Variants in ANGPT1 observed in about 807,000 individuals in gnomAD.
ANGPT1 encodes the protein angiopoietin 1, also known as angiopoietin-1.
In ANGPT1, 17 loss-of-function variants were observed where a neutral mutation model predicts 62.2. The observed-to-expected ratio is 0.27, with a 90% CI of 0.19 to 0.41. The LOEUF is 0.41. Among genes scored for constraint, ANGPT1 ranks in the 10% least tolerant of loss-of-function variants. The probability of loss-of-function intolerance (pLI) is 1.00; values close to 1 mark genes in which losing one functional copy is unlikely to be tolerated. For synonymous variants in ANGPT1, 199 were observed against 198.9 expected, an observed-to-expected ratio of 1.00 and a Z score of 0.00; for missense variants, 478 against 594.9, an observed-to-expected ratio of 0.80 and a Z score of 2.04.
At chr8:107,481,532 CAAAAAAAAAA>C (rs71562147) in intron 1 of ANGPT1, among the ~76,000 whole-genome samples, 13,888 of 65,118 alleles carry the variant, frequency 0.21, 1,219 homozygotes, top group East Asian at 0.58. Flanking sequence ...GACTCTGTCT[CAAAAAAAAAA>C]AAAAAAAAAA....
Position 107,342,084 on chromosome 8 carries a change from A to T in ANGPT1, c.453+4858T>A, listed in dbSNP as rs76835843. Among the ~76,000 whole-genome samples the T allele has an allele frequency of 2.6e-5, 4 of 152,226 alleles. No homozygotes were observed. In the East Asian group the frequency reaches 7.7e-4, roughly 29 times the overall value. The stretch of plus-strand genomic sequence containing the variant: ...GAAAAGAAAAACAAACAAACAAAAA[A>T]ACCCAAAAAAACATTCACTCAGTGT... On this transcript the variant is annotated intron_variant, in intron 2 of 8. Coordinates refer to ENST00000517746, the MANE Select transcript of ANGPT1 (RefSeq NM_001146.5).
intron 1 of ANGPT1, among the ~76,000 whole-genome samples, chr8:107,469,134 T>G (rs1812280557): frequency 1.3e-5 from 2 of 152,070 alleles, no homozygotes; most frequent in South Asian, 2.1e-4. Flanking sequence ...GTGTCATAGG[T>G]GCTAGTGGCA....
intron 1 of ANGPT1, among the ~76,000 whole-genome samples, chr8:107,389,184 G>T (rs1461461019): frequency 6.6e-6 from 1 of 152,160 alleles, no homozygotes; most frequent in Non-Finnish European, 1.5e-5. Context: ...TCATGACTTT[G>T]CTACTACCTA....
intron 1 of ANGPT1, among the ~76,000 whole-genome samples, chr8:107,349,045 G>A (rs2130166431): frequency 6.6e-6 from 1 of 152,092 alleles, no homozygotes; most frequent in East Asian, 1.9e-4. Context: ...CAATACAGTT[G>A]ATGCCCGATT....
Position 107,322,108 on chromosome 8 carries a change from A to G in ANGPT1, c.596T>C (p.Leu199Ser). 1 of 1,612,844 alleles carries G rather than the reference A, an allele frequency of 6.2e-7. No homozygotes were observed. The highest frequency in any genetic ancestry group is 1.7e-5 in the Admixed American group (1 of 59,904). ...TTCCTTGTGTTTTCCTTCCATTTCT[A>G]AGATTTTATGTTCTAATAAACTACA... ...EKNSLLEHKI[L>S]EMEGKHKEEL... The change falls in exon 4 of 9, where the codon TTA becomes TCA. Residue 199 changes from leucine to serine, a missense_variant. Around this residue, in one of 4 missense-constraint regions of ANGPT1, gnomAD observed 343 missense variants for 355.4 expected, o/e 0.97. Transcript: ENST00000517746.
intron 4 of ANGPT1, among the ~76,000 whole-genome samples, chr8:107,320,760 T>C (rs1815131333): frequency 6.6e-6 from 1 of 151,980 alleles, no homozygotes; most frequent in South Asian, 2.1e-4. Context: ...GGTAATGGAG[T>C]GTAATAGAGA....
At chr8:107,487,622 C>G (rs1812848432) in intron 1 of ANGPT1, among the ~76,000 whole-genome samples, 1 of 152,020 alleles carries the variant, frequency 6.6e-6, no homozygotes, top group South Asian at 2.1e-4. Flanking sequence ...CTTGATTGTC[C>G]TCTTTCAGCA....
chr8:107,340,107 G>C (rs1815662180), intron 2 of ANGPT1, among the ~76,000 whole-genome samples: 1 of 152,130 alleles, frequency 6.6e-6, no homozygotes, highest in South Asian at 2.1e-4. Flanking sequence ...CCACTTTCTT[G>C]CCATGCGACT....
At chr8:107,409,502 T>C (rs1274137343) in intron 1 of ANGPT1, among the ~76,000 whole-genome samples, 1 of 152,106 alleles carries the variant, frequency 6.6e-6, no homozygotes, top group African/African-American at 2.4e-5. Context: ...TCATCTCTGC[T>C]CAAATCAGTT....
intron 1 of ANGPT1, among the ~76,000 whole-genome samples, chr8:107,451,808 C>T (rs1394467795): frequency 6.6e-6 from 1 of 151,854 alleles, no homozygotes; most frequent in African/African-American, 2.4e-5. Flanking sequence ...TGTGTTTCTC[C>T]TGGATTCTTA....
At chr8:107,457,896 C>T (rs372690419) in intron 1 of ANGPT1, among the ~76,000 whole-genome samples, 10 of 150,888 alleles carry the variant, frequency 6.6e-5, no homozygotes, top group African/African-American at 2.4e-4. Context: ...CCTATGAAAG[C>T]ATTTTCTTGG....
At chr8:107,490,490 C>T (rs538708034) in intron 1 of ANGPT1, among the ~76,000 whole-genome samples, 1 of 152,276 alleles carries the variant, frequency 6.6e-6, no homozygotes, top group East Asian at 1.9e-4. Flanking sequence ...CACCTCACAG[C>T]ATGTCCAGAC....
chr8:107,294,704 T>C (rs918816228), intron 5 of ANGPT1: 12 of 152,214 alleles, frequency 7.9e-5, no homozygotes, highest in African/African-American at 2.7e-4. Flanking sequence ...TTCTTTCCCA[T>C]GTGGAAAATT....
At chr8:107,452,432 AG>A (rs1030759630) in intron 1 of ANGPT1, among the ~76,000 whole-genome samples, 13 of 151,880 alleles carry the variant, frequency 8.6e-5, no homozygotes, top group Non-Finnish European at 1.8e-4. Flanking sequence ...CGTCTCATTT[AG>A]GTAAAAATTA....
intron 4 of ANGPT1, among the ~76,000 whole-genome samples, chr8:107,310,180 T>G (rs1274088108): frequency 4.6e-5 from 7 of 152,192 alleles, no homozygotes; most frequent in Non-Finnish European, 1.0e-4. Context: ...AATTGAACAC[T>G]TACTATGTGG....
chr8:107,320,333 C>A (rs1815121100), intron 4 of ANGPT1, among the ~76,000 whole-genome samples: 1 of 152,110 alleles, frequency 6.6e-6, no homozygotes, highest in South Asian at 2.1e-4. Flanking sequence ...GATAAGTACG[C>A]AGACATATGA....
intron 1 of ANGPT1, among the ~76,000 whole-genome samples, chr8:107,381,102 T>C (rs1214245830): frequency 2.0e-5 from 3 of 152,234 alleles, no homozygotes; most frequent in South Asian, 2.1e-4. Flanking sequence ...GGCAGCTCTT[T>C]GTTTTATGTT....
chr8:107,380,962 C>T (rs1233215152), intron 1 of ANGPT1, among the ~76,000 whole-genome samples: 1 of 152,208 alleles, frequency 6.6e-6, no homozygotes, highest in African/African-American at 2.4e-5. Flanking sequence ...TGTTGAGAAG[C>T]TTGTTGGGTA....
intron 1 of ANGPT1, among the ~76,000 whole-genome samples, chr8:107,372,595 T>TAG (rs1397862715): frequency 6.6e-6 from 1 of 151,934 alleles, no homozygotes; most frequent in Non-Finnish European, 1.5e-5. Flanking sequence ...AACACAATGT[T>TAG]AGAGCTGAAA....
Sources: gnomAD v4.1 joint callset for allele counts (sites outside exome capture counted in the v4.1 genomes callset) on GRCh38, gnomAD v4.1.1 for gene constraint, gnomAD v4.1.1 regional missense constraint, MANE v1.5 for transcripts, NCBI Gene and HGNC (gene_info 2026-07-23, HGNC 2026-07-21) for gene names.